The following RAD51B variants were observed in gnomAD, a reference collection of about 807,000 sequenced individuals.
The protein encoded by RAD51B is RAD51 paralog B.
Under a neutral mutation model 42.2 loss-of-function variants are expected in RAD51B, and 38 were observed. The ratio of observed to expected loss-of-function variants is 0.90; its 90% CI spans 0.70 to 1.18. The LOEUF (loss-of-function observed/expected upper bound fraction) is 1.18. Among genes scored for constraint, RAD51B ranks in the 50% most tolerant of loss-of-function variants. RAD51B has a pLI of 0.00. For missense variants in RAD51B, 373 were observed against 400.7 expected (o/e 0.93, Z 0.59); for synonymous variants, 154 against 145.2 (o/e 1.06, Z -0.43).
chr14:68,253,282 C>CT (rs1173057096), intron 7 of RAD51B, among the ~76,000 whole-genome samples: 3 of 150,928 alleles, frequency 2.0e-5, no homozygotes, highest in Non-Finnish European at 3.0e-5. Context: ...CCATCTGTAG[C>CT]TTTTTTTTTC....
chr14:68,681,289 G>C (rs778871837), intron 11 of RAD51B, among the ~76,000 whole-genome samples: 1 of 152,170 alleles, frequency 6.6e-6, no homozygotes, highest in Non-Finnish European at 1.5e-5. Context: ...TCTACTCGAG[G>C]TGTTCCAAAT....
intron 5 of RAD51B, among the ~76,000 whole-genome samples, chr14:67,882,015 C>A (rs2042922670): frequency 6.6e-6 from 1 of 152,230 alleles, no homozygotes; most frequent in Non-Finnish European, 1.5e-5. Context: ...CTCTGTCACC[C>A]AGGCTGGAGT....
At chr14:68,567,685 G>A (rs1483075670) in intron 10 of RAD51B, among the ~76,000 whole-genome samples, 10 of 152,122 alleles carry the variant, frequency 6.6e-5, no homozygotes, top group African/African-American at 1.4e-4. Context: ...CAGTCATCAC[G>A]GACAATGCAA....
chr14:68,531,166 A>T lies in RAD51B; in HGVS notation c.1036+62916A>T, dbSNP rs1182825898. 5.3e-5 allele frequency among the ~76,000 whole-genome samples: 8 copies of T among 152,148 alleles called. No homozygotes were observed. In the East Asian group the frequency reaches 1.5e-3, roughly 29 times the overall value. ...AAGAGAAGACAGGAAAGACAAAAAAAAAATGAAAGAAGACAGGAAAGAAGA... is the reference window on the plus strand; with the variant it reads ...AAGAGAAGACAGGAAAGACAAAAAATAAATGAAAGAAGACAGGAAAGAAGA... On this transcript the variant is annotated intron_variant, in intron 10 of 10. Transcript: ENST00000487270.
intron 7 of RAD51B, among the ~76,000 whole-genome samples, chr14:67,895,471 A>T (rs775560260): frequency 6.6e-6 from 1 of 152,240 alleles, no homozygotes; most frequent in Non-Finnish European, 1.5e-5. Flanking sequence ...GTAATAGTAC[A>T]TATGGGTACA....
At chr14:67,957,665 C>G (rs771199573) in intron 7 of RAD51B, among the ~76,000 whole-genome samples, 64 of 152,284 alleles carry the variant, frequency 4.2e-4, no homozygotes, top group Middle Eastern at 3.4e-3. Flanking sequence ...ACCAACCATT[C>G]CAAAAGCTAG....
Position 67,857,779 on chromosome 14 carries a change from C to T in RAD51B, c.316-7224C>T, listed in dbSNP as rs2042043187. On this transcript the variant is annotated intron_variant, in intron 4 of 10. Transcript: ENST00000471583. ...ACTTATGACAGGGGTATCCCATTTACTCGGCCCACCATGCTCAACCTCTTG... is the reference window on the plus strand; with the variant it reads ...ACTTATGACAGGGGTATCCCATTTATTCGGCCCACCATGCTCAACCTCTTG... 2.6e-5 allele frequency: 4 copies of T among 153,170 alleles called. No homozygotes were observed. The Admixed American group carries it at 2.6e-4, about 10-fold the overall frequency. 9.5% of individuals were successfully genotyped at this position (153,170 alleles called of 1,614,324 possible). A position where few individuals can be genotyped will look rare whatever the true frequency, so the allele number is the denominator to read the frequency against.
intron 8 of RAD51B, among the ~76,000 whole-genome samples, chr14:68,358,613 G>GTCATTATGTTTGCTTTACTT (rs2082955966): frequency 6.6e-6 from 1 of 152,148 alleles, no homozygotes; most frequent in Non-Finnish European, 1.5e-5. Flanking sequence ...TTGATTACTA[G>GTCATTATGTTTGCTTTACTT]TGAGATGAAG....
chr14:68,670,398 A>G (rs971790118), intron 11 of RAD51B, among the ~76,000 whole-genome samples: 6 of 152,202 alleles, frequency 3.9e-5, no homozygotes, highest in African/African-American at 1.4e-4. Flanking sequence ...TGGTGGGACT[A>G]AGTCTTTCTT....
chr14:68,617,994 T>C (rs1891860497), intron 10 of RAD51B, among the ~76,000 whole-genome samples: 1 of 152,172 alleles, frequency 6.6e-6, no homozygotes, highest in Admixed American at 6.5e-5. Context: ...AAAGAAATGA[T>C]GAATGATAGC....
At chr14:68,235,240 C>T (rs1442714176) in intron 7 of RAD51B, among the ~76,000 whole-genome samples, 5 of 151,946 alleles carry the variant, frequency 3.3e-5, no homozygotes, top group African/African-American at 1.2e-4. Flanking sequence ...TGCACTATAT[C>T]ATTAGGACAG....
At chr14:68,546,334 G>A (rs1331117890) in intron 10 of RAD51B, among the ~76,000 whole-genome samples, 5 of 152,218 alleles carry the variant, frequency 3.3e-5, no homozygotes, top group Admixed American at 3.3e-4. Flanking sequence ...TGGTGAGGGA[G>A]AGGGAGGGTC....
intron 10 of RAD51B, among the ~76,000 whole-genome samples, chr14:68,488,887 A>G (rs559723455): frequency 1.1e-4 from 16 of 152,294 alleles, no homozygotes; most frequent in African/African-American, 3.9e-4. Context: ...ATGTTGCCAG[A>G]ATGTCGGATT....
chr14:68,184,624 C>A (rs1536457), intron 7 of RAD51B, among the ~76,000 whole-genome samples: 93,251 of 128,924 alleles, frequency 0.72, 33,678 homozygotes, highest in East Asian at 0.94. Flanking sequence ...AAAAAAAAAA[C>A]CAAAAAAAAA....
chr14:67,916,990 G>A (rs2140126337), intron 7 of RAD51B, among the ~76,000 whole-genome samples: 1 of 152,336 alleles, frequency 6.6e-6, no homozygotes, highest in Non-Finnish European at 1.5e-5. Context: ...GAATACAGAA[G>A]AAAGGAGGTG....
At chr14:68,249,697 G>A (rs1566758727) in intron 7 of RAD51B, among the ~76,000 whole-genome samples, 1 of 152,168 alleles carries the variant, frequency 6.6e-6, no homozygotes, top group Admixed American at 6.5e-5. Context: ...GGAGGTCCAG[G>A]TAGTGTCCTA....
chr14:67,997,587 G>A (rs1320662871), intron 7 of RAD51B, among the ~76,000 whole-genome samples: 1 of 152,094 alleles, frequency 6.6e-6, no homozygotes, highest in Non-Finnish European at 1.5e-5. Flanking sequence ...AATGAACACA[G>A]ATGGTTTTCT....
chr14:67,918,368 G>T (rs961363303), intron 7 of RAD51B, among the ~76,000 whole-genome samples: 1 of 152,124 alleles, frequency 6.6e-6, no homozygotes, highest in African/African-American at 2.4e-5. Context: ...CCGAGTAGCT[G>T]GGATTGTGGG....
At chr14:68,309,912 A>G (rs2081935742) in intron 8 of RAD51B, among the ~76,000 whole-genome samples, 1 of 152,204 alleles carries the variant, frequency 6.6e-6, no homozygotes, top group Admixed American at 6.5e-5. Flanking sequence ...ATTTCAGTAG[A>G]ATGTGATGGC....
Sources: gnomAD v4.1 joint callset for allele counts (sites outside exome capture counted in the v4.1 genomes callset) on GRCh38, gnomAD v4.1.1 for gene constraint, MANE v1.5 for transcripts, NCBI Gene and HGNC (gene_info 2026-07-23, HGNC 2026-07-21) for gene names.